NXPE2: variants seen among roughly 807,000 people sequenced by gnomAD.
NXPE2 encodes the protein NXPE family member 2.
NXPE2 carries 34 observed loss-of-function variants against 34.4 expected under a neutral mutation model. The observed-to-expected ratio is 0.99, with a 90% confidence interval of 0.75 to 1.31. The LOEUF (loss-of-function observed/expected upper bound fraction) is 1.31. NXPE2 is among the 40% of genes most tolerant of loss of function. The pLI is 0.00. For synonymous variants in NXPE2, 235 were observed against 231.3 expected (o/e 1.02, Z -0.15); for missense variants, 649 against 672.5 (o/e 0.97, Z 0.39).
At chr11:114,528,637 T>C in the NXPE2 span, among the ~76,000 whole-genome samples, 4 of 152,202 alleles carry the variant, frequency 2.6e-5, no homozygotes, top group African/African-American at 9.7e-5. Context: ...CTTACATTTC[T>C]TTCCTCCAAT....
chr11:114,627,983 A>C, the NXPE2 span, among the ~76,000 whole-genome samples: 1 of 151,972 alleles, frequency 6.6e-6, no homozygotes, highest in Non-Finnish European at 1.5e-5. Context: ...TCCTAAATAT[A>C]TATGGACCCA....
the NXPE2 span, among the ~76,000 whole-genome samples, chr11:114,740,318 G>T: frequency 6.6e-5 from 10 of 152,110 alleles, no homozygotes; most frequent in African/African-American, 2.2e-4. Context: ...TATAGTGTGT[G>T]TATCACATTT....
chr11:114,553,750 G>A, the NXPE2 span: 1 of 985,302 alleles, frequency 1.0e-6, no homozygotes, highest in Non-Finnish European at 1.2e-6. Context: ...CCTCCATTTG[G>A]AAATCCTCAC....
the NXPE2 span, among the ~76,000 whole-genome samples, chr11:114,632,032 A>G: frequency 6.8e-6 from 1 of 146,226 alleles, no homozygotes; most frequent in Non-Finnish European, 1.5e-5. Flanking sequence ...ATTATACTTT[A>G]TATATAATAT....
At chr11:114,636,482 A>G in the NXPE2 span, among the ~76,000 whole-genome samples, 2 of 151,564 alleles carry the variant, frequency 1.3e-5, no homozygotes, top group East Asian at 1.9e-4. Flanking sequence ...CTCTGATTTT[A>G]GTTATTTCTT....
the NXPE2 span, among the ~76,000 whole-genome samples, chr11:114,810,890 T>TA: frequency 4.6e-5 from 7 of 152,108 alleles, no homozygotes; most frequent in African/African-American, 1.7e-4. Context: ...CATGCACACA[T>TA]ATGTTTATAG....
chr11:114,576,885 C>T, the NXPE2 span, among the ~76,000 whole-genome samples: 1 of 150,830 alleles, frequency 6.6e-6, no homozygotes, highest in Non-Finnish European at 1.5e-5. Flanking sequence ...AATACTTGTA[C>T]ACACATGTTT....
the NXPE2 span, among the ~76,000 whole-genome samples, chr11:114,639,742 T>TATAAA: frequency 5.6e-4 from 65 of 116,800 alleles, no homozygotes; most frequent in Middle Eastern, 5.2e-3. Flanking sequence ...TATAAAATAA[T>TATAAA]ATATAATATA....
At chr11:114,604,734 G>A in the NXPE2 span, among the ~76,000 whole-genome samples, 5 of 151,326 alleles carry the variant, frequency 3.3e-5, no homozygotes, top group African/African-American at 4.9e-5. Flanking sequence ...ACTGTTACTC[G>A]GTGGATAATA....
the NXPE2 span, among the ~76,000 whole-genome samples, chr11:114,618,894 G>A: frequency 1.2e-4 from 18 of 151,786 alleles, no homozygotes; most frequent in African/African-American, 3.6e-4. Flanking sequence ...ACTGTTACCC[G>A]GAGGATAATA....
At chr11:114,590,534 T>C in the NXPE2 span, among the ~76,000 whole-genome samples, 12 of 152,278 alleles carry the variant, frequency 7.9e-5, no homozygotes, top group African/African-American at 2.9e-4. Flanking sequence ...TCTCCTAACC[T>C]GGAAACCTAA....
the NXPE2 span, among the ~76,000 whole-genome samples, chr11:114,761,332 C>T: frequency 2.0e-5 from 3 of 152,244 alleles, no homozygotes; most frequent in South Asian, 2.1e-4. Flanking sequence ...GAAAGCAATC[C>T]GTTATTTTCA....
the NXPE2 span, among the ~76,000 whole-genome samples, chr11:114,652,183 G>T: frequency 6.6e-6 from 1 of 152,200 alleles, no homozygotes; most frequent in Non-Finnish European, 1.5e-5. Context: ...AGGGAGAGAA[G>T]GGTCATACTG....
At chr11:114,606,941 T>A in the NXPE2 span, among the ~76,000 whole-genome samples, 1 of 151,936 alleles carries the variant, frequency 6.6e-6, no homozygotes, top group Non-Finnish European at 1.5e-5. Flanking sequence ...GGGTAACCAC[T>A]GTTATCCTGT....
the NXPE2 span, among the ~76,000 whole-genome samples, chr11:114,783,377 A>G: frequency 6.6e-6 from 1 of 152,250 alleles, no homozygotes; most frequent in African/African-American, 2.4e-5. Flanking sequence ...AATGCCTGAC[A>G]TGTATGAGCC....
chr11:114,694,545 C>G (rs898581314), intron 2 of NXPE2, among the ~76,000 whole-genome samples: 1 of 152,058 alleles, frequency 6.6e-6, no homozygotes, highest in Non-Finnish European at 1.5e-5. Context: ...GTTCCTTTCT[C>G]TTTATTCTCC....
At chr11:114,527,821 C>T in the NXPE2 span, 1 of 1,585,108 alleles carries the variant, frequency 6.3e-7, no homozygotes, top group Non-Finnish European at 8.6e-7. Context: ...TCACCTAACT[C>T]AGGACAGAGC....
chr11:114,783,363 T>C, the NXPE2 span, among the ~76,000 whole-genome samples: 2 of 152,228 alleles, frequency 1.3e-5, no homozygotes, highest in Non-Finnish European at 2.9e-5. Context: ...TGTGTTCGCC[T>C]TTGAATGCCT....
the NXPE2 span, among the ~76,000 whole-genome samples, chr11:114,783,270 G>T: frequency 1.4e-4 from 22 of 152,170 alleles, no homozygotes; most frequent in Admixed American, 1.3e-3. Flanking sequence ...AACAAAGTTT[G>T]CAGGGCGTTA....
Sources: gnomAD v4.1 joint callset for allele counts (sites outside exome capture counted in the v4.1 genomes callset) on GRCh38, gnomAD v4.1.1 for gene constraint, MANE v1.5 for transcripts, NCBI Gene and HGNC (gene_info 2026-07-23, HGNC 2026-07-21) for gene names.